Variants in CADPS observed in about 807,000 individuals in gnomAD.
CADPS encodes calcium dependent secretion activator, also known as calcium-dependent secretion activator 1.
In CADPS, 57 loss-of-function variants were observed where a neutral mutation model predicts 167.3. The ratio of observed to expected loss-of-function variants is 0.34; its 90% CI spans 0.28 to 0.42. The LOEUF is 0.42. Among genes scored for constraint, CADPS ranks in the 20% least tolerant of loss-of-function variants. CADPS has a pLI of 1.00. For synonymous variants in CADPS, 676 were observed against 635.3 expected (o/e 1.06, Z -0.96); for missense variants, 1,414 against 1,738.1 (o/e 0.81, Z 3.32).
chr3:62,680,843 G>T (rs1032663465), intron 3 of CADPS, among the ~76,000 whole-genome samples: 10 of 152,044 alleles, frequency 6.6e-5, no homozygotes, highest in Non-Finnish European at 1.0e-4. Flanking sequence ...GGTGGTGCTT[G>T]TGCTGGGAGT....
chr3:62,683,948 C>T (rs962713266), intron 3 of CADPS, among the ~76,000 whole-genome samples: 1 of 152,016 alleles, frequency 6.6e-6, no homozygotes, highest in African/African-American at 2.4e-5. Flanking sequence ...TGACTTCTCA[C>T]TGATAGCAAA....
chr3:62,567,905 C>A (rs1157865386), intron 9 of CADPS, among the ~76,000 whole-genome samples: 1 of 152,046 alleles, frequency 6.6e-6, no homozygotes, highest in Non-Finnish European at 1.5e-5. Context: ...CTTGTCTTCC[C>A]ATTTACATTG....
At chr3:62,744,902 C>T (rs2152334480) in intron 3 of CADPS, among the ~76,000 whole-genome samples, 1 of 152,254 alleles carries the variant, frequency 6.6e-6, no homozygotes, top group South Asian at 2.1e-4. Context: ...ACAGCAGGTG[C>T]AGTCAGATAG....
intron 8 of CADPS, among the ~76,000 whole-genome samples, chr3:62,580,067 G>A (rs973155507): frequency 6.6e-6 from 1 of 152,124 alleles, no homozygotes; most frequent in Non-Finnish European, 1.5e-5. Flanking sequence ...TGAGGTGGGA[G>A]GACTGCCTGA....
In CADPS at chr3:62,550,036, G is replaced by A. The variant is rs779353219; in HGVS notation, c.1833C>T (p.Asp611=). 2.5e-6 allele frequency: 4 copies of A among 1,614,118 alleles called. No individual in the cohort carries two copies. The South Asian group carries it at 4.4e-5, about 18-fold the overall frequency. ...ACATGGCCTGGACCCACAGGATGCG[G>A]TCTTGTTCATCGTCACTGGCAAATA... is the stretch of plus-strand genomic sequence containing the variant. ...TVIFASDDEQ[D]RILWVQAMYR... The change falls in exon 11 of 30, where the codon GAC becomes GAT. Residue 611 remains aspartate, a synonymous_variant. Transcript: ENST00000383710.
chr3:62,536,684 A>T, intron 11 of CADPS, 103 bp from the exon 12 acceptor site: 1 of 1,203,706 alleles, frequency 8.3e-7, no homozygotes, highest in Non-Finnish European at 1.2e-6. Context: ...TATGAACGTT[A>T]GCTGTTTCCC....
chr3:62,707,396 C>G (rs974254161), intron 3 of CADPS, among the ~76,000 whole-genome samples: 7 of 152,104 alleles, frequency 4.6e-5, no homozygotes, highest in African/African-American at 2.4e-5. Context: ...TTGGGGAGCA[C>G]TGTTTTAGGG....
intron 8 of CADPS, among the ~76,000 whole-genome samples, chr3:62,583,055 A>AT (rs2083765145): frequency 6.6e-6 from 1 of 151,984 alleles, no homozygotes; most frequent in Non-Finnish European, 1.5e-5. Flanking sequence ...GGCACTGATC[A>AT]TTTTTTTAAA....
chr3:62,787,436 T>A (rs1418566713), intron 1 of CADPS, among the ~76,000 whole-genome samples: 1 of 152,164 alleles, frequency 6.6e-6, no homozygotes, highest in Non-Finnish European at 1.5e-5. Context: ...TTTATTTTCA[T>A]GAGTGAAAAC....
At position 62,661,918 on chromosome 3, in the gene CADPS, G is replaced by T. The variant is rs528678178; in HGVS notation, c.969+396C>A. Among the ~76,000 whole-genome samples the T allele has an allele frequency of 7.8e-4, 119 of 152,296 alleles. 2 individuals carry two copies. Among genetic ancestry groups the T allele is most frequent in the Non-Finnish European group, 8.5e-4 (58 of 68,022 alleles). ...ATGGCTAGGAGGTTTCATCCACAGTGATTGGATATAGAACAAGAGAAGAGG... is the reference window on the plus strand; with the variant it reads ...ATGGCTAGGAGGTTTCATCCACAGTTATTGGATATAGAACAAGAGAAGAGG... On this transcript the variant is annotated intron_variant, in intron 4 of 29. Coordinates refer to ENST00000383710, the MANE Select transcript of CADPS (RefSeq NM_003716.4).
chr3:62,400,792 GT>G (rs1705759491), intron 29 of CADPS, among the ~76,000 whole-genome samples: 1 of 151,836 alleles, frequency 6.6e-6, no homozygotes, highest in Non-Finnish European at 1.5e-5. Flanking sequence ...TAGAGACAGG[GT>G]TTCACCATGT....
intron 24 of CADPS, among the ~76,000 whole-genome samples, chr3:62,471,237 G>A (rs1357576033): frequency 6.6e-6 from 1 of 152,088 alleles, no homozygotes; most frequent in East Asian, 1.9e-4. Context: ...AGACTCCCAG[G>A]TCAAGCTAAG....
At chr3:62,569,835 A>T (rs1011750378) in intron 9 of CADPS, among the ~76,000 whole-genome samples, 1 of 152,176 alleles carries the variant, frequency 6.6e-6, no homozygotes, top group African/African-American at 2.4e-5. Flanking sequence ...GCTCTGGTGG[A>T]GTCTGAAAAT....
rs549811845 is a variant in CADPS at position 62,645,697 on chromosome 3, T to C, written c.1325+25A>G. ...CTAATGGCAGCAACCCTCTATAAGA[T>C]GGACCCTGGAGAAACATAACTTACG... On this transcript the variant is annotated intron_variant, in intron 6 of 29. Coordinates refer to ENST00000383710, the MANE Select transcript of CADPS (RefSeq NM_003716.4). 6 of 1,612,960 alleles carry C rather than the reference T, an allele frequency of 3.7e-6. No individual in the cohort carries two copies. The East Asian group carries it at 6.7e-5, about 18-fold the overall frequency.
chr3:62,604,065 C>T (rs1024139877), intron 6 of CADPS, among the ~76,000 whole-genome samples: 2 of 151,850 alleles, frequency 1.3e-5, no homozygotes, highest in Admixed American at 6.6e-5. Flanking sequence ...CTCCTGACCT[C>T]GTGATCAGCC....
chr3:62,607,947 G>A (rs2060919943), intron 6 of CADPS, among the ~76,000 whole-genome samples: 1 of 152,222 alleles, frequency 6.6e-6, no homozygotes, highest in African/African-American at 2.4e-5. Flanking sequence ...GGACTGAGGT[G>A]TTGTCTTAAA....
chr3:62,753,357 TAAAAAAA>T lies in CADPS; in HGVS notation c.888+77_888+83del. ...AAAATATAAGTTTTAATCCTTTTTT[TAAAAAAA>T]TCAAGAAGTATCTCATAGAAGTTGG... On this transcript the variant is annotated intron_variant, in intron 3 of 29. Transcript: ENST00000383710. The surrounding 1 kb of genome is among the most constrained non-coding windows in gnomAD (Gnocchi z 4.6). 9.6e-7 allele frequency: 1 copy of T among 1,041,662 alleles called. No homozygotes were observed. The allele number at this position is 1,041,662 out of a possible 1,614,324, so 64.5% of individuals were successfully genotyped here. A position where few individuals can be genotyped will look rare whatever the true frequency, so the allele number is the denominator to read the frequency against.
chr3:62,663,363 T>C (rs560334765), intron 3 of CADPS, among the ~76,000 whole-genome samples: 30 of 152,178 alleles, frequency 2.0e-4, no homozygotes, highest in Admixed American at 5.2e-4. Flanking sequence ...TTTTATGAGT[T>C]GAAACTATTA....
At chr3:62,519,424 C>CT (rs1474520253) in intron 13 of CADPS, among the ~76,000 whole-genome samples, 1 of 152,136 alleles carries the variant, frequency 6.6e-6, no homozygotes, top group Non-Finnish European at 1.5e-5. Flanking sequence ...AGCTTTCCTT[C>CT]TTTTTTGATA....
Sources: gnomAD v4.1 joint callset for allele counts (sites outside exome capture counted in the v4.1 genomes callset) on GRCh38, gnomAD v4.1.1 for gene constraint, Gnocchi (gnomAD v3.1) non-coding constraint, MANE v1.5 for transcripts, NCBI Gene and HGNC (gene_info 2026-07-23, HGNC 2026-07-21) for gene names.